The following TBX1 variants were observed in gnomAD, a reference collection of about 807,000 sequenced individuals.
TBX1 encodes the protein T-box transcription factor TBX1.
TBX1 carries 16 observed loss-of-function variants against 40.8 expected under a neutral mutation model. The ratio of observed to expected loss-of-function variants is 0.39; its 90% CI spans 0.27 to 0.60. The LOEUF (loss-of-function observed/expected upper bound fraction) is 0.60, where lower values mean the gene tolerates loss of function less well. Among genes scored for constraint, TBX1 ranks in the 20% least tolerant of loss-of-function variants. The pLI is 0.51. For missense variants in TBX1, 755 were observed against 728.5 expected, an observed-to-expected ratio of 1.04 and a Z score of -0.42; for synonymous variants, 403 against 336.8, an observed-to-expected ratio of 1.20 and a Z score of -2.15.
intron 1 of TBX1, among the ~76,000 whole-genome samples, chr22:19,761,741 C>T (rs957637377): frequency 8.5e-5 from 13 of 152,332 alleles, no homozygotes; most frequent in African/African-American, 2.9e-4. Flanking sequence ...AGATAAAGAG[C>T]GGCAGCCGGG....
At chr22:19,766,073 G>T in intron 6 of TBX1, 71 bp downstream of exon 6, 3 of 1,288,510 alleles carry the variant, frequency 2.3e-6, no homozygotes, top group South Asian at 1.7e-5. Flanking sequence ...GGCCTCGCCC[G>T]ACCTCGCCTG....
rs892270450 is a variant in TBX1 at position 19,761,236 on chromosome 22, G to C, written c.393G>C (p.Glu131Asp). Residue 131 changes from glutamate to aspartate, a missense_variant, in exon 1 of 7, where the codon GAG (glutamate) becomes GAC (aspartate). By Grantham distance (45) the Glu-to-Asp change is conservative (BLOSUM62 2). Coordinates refer to ENST00000649276, the MANE Select transcript of TBX1 (RefSeq NM_001379200.1). ...TAGAGATGAAGGCGCTGTGGGACGAGTTCAACCAGCTGGGCACCGAGATGA... is the reference window on the plus strand; with the variant it reads ...TAGAGATGAAGGCGCTGTGGGACGACTTCAACCAGCTGGGCACCGAGATGA... ...VQLEMKALWD[E>D]FNQLGTEMIV... 2 of 1,572,808 alleles carry C rather than the reference G, an allele frequency of 1.3e-6. No individual in the cohort carries two copies. The highest frequency in any genetic ancestry group is 1.7e-6 in the Non-Finnish European group (2 of 1,158,442).
downstream of TBX1, chr22:19,782,850 C>T: frequency 6.2e-7 from 1 of 1,613,642 alleles, no homozygotes; most frequent in African/African-American, 1.3e-5. Flanking sequence ...TGATAAAGGC[C>T]ACAAACACTT....
Position 19,766,838 on chromosome 22 carries a change from C to G in TBX1, c.1486C>G (p.Pro496Ala). ...GTACTCGTCGGCCGGAGCCGCGCCG[C>G]CCGGCTCCTACGACTATTGCCCCAG... Reference protein sequence around the residue: ...NMYSSAGAAPPGSYDYCPR With the variant: ...NMYSSAGAAPAGSYDYCPR Residue 496 changes from proline (P) to alanine (A), a missense_variant, in exon 7 of 7, where the codon CCC becomes GCC. Pro to Ala is a conservative substitution (Grantham distance 27). Transcript: ENST00000649276. The G allele has an allele frequency of 1.3e-6, 2 of 1,573,344 alleles. No individual in the cohort carries two copies. Among genetic ancestry groups the G allele is most frequent in the Non-Finnish European group, 1.7e-6 (2 of 1,169,774 alleles).
chr22:19,767,261 T>G lies in TBX1; in HGVS notation c.*394T>G. 9.7e-7 allele frequency: 1 copy of G among 1,025,680 alleles called. No individual in the cohort carries two copies. The highest frequency in any genetic ancestry group is 1.2e-6 in the Non-Finnish European group (1 of 857,382). 63.5% of individuals were successfully genotyped at this position (1,025,680 alleles called of 1,614,324 possible). A position where few individuals can be genotyped will look rare whatever the true frequency, so the allele number is the denominator to read the frequency against. On this transcript the variant is annotated 3_prime_UTR_variant, in exon 7 of 7. Transcript: ENST00000649276. Reference sequence around the variant, plus strand: ...GAGCCCCGCCTGCAGGCGGTGTAGATACATGTAGATACTGTAGATACTGTA... The same window carrying G: ...GAGCCCCGCCTGCAGGCGGTGTAGAGACATGTAGATACTGTAGATACTGTA...
chr22:19,766,137 G>C, intron 6 of TBX1, 135 bp downstream of exon 6: 1 of 838,642 alleles, frequency 1.2e-6, no homozygotes. Flanking sequence ...CCGCGGCGGC[G>C]GGCAAGCGCG....
At chr22:19,779,539 G>C in exon 9 of TBX1, 1 of 1,519,040 alleles carries the variant, frequency 6.6e-7, no homozygotes, top group Non-Finnish European at 8.8e-7. Flanking sequence ...TGCATGTTTT[G>C]TAATAAATAC....
In TBX1 at chr22:19,766,978, C is replaced by G; in HGVS notation, c.*111C>G. The G allele has an allele frequency of 6.8e-7, 1 of 1,463,446 alleles. No individual in the cohort carries two copies. Among genetic ancestry groups the G allele is most frequent in the Non-Finnish European group, 9.0e-7 (1 of 1,111,010 alleles). 90.7% of individuals were successfully genotyped at this position (1,463,446 alleles called of 1,614,324 possible). A position where few individuals can be genotyped will look rare whatever the true frequency, so the allele number is the denominator to read the frequency against. On this transcript the variant is annotated 3_prime_UTR_variant, in exon 7 of 7. Transcript: ENST00000649276. Reference sequence around the variant, plus strand: ...GAATACGTTCCCCCAGCCCCAGGGGCCACCGCGGCTCTCCCCTTCCCCAGC... The same window carrying G: ...GAATACGTTCCCCCAGCCCCAGGGGGCACCGCGGCTCTCCCCTTCCCCAGC...
In TBX1 at chr22:19,766,897, C is replaced by T. The variant is rs1936880247; in HGVS notation, c.*30C>T. On this transcript the variant is annotated 3_prime_UTR_variant, in exon 7 of 7. Coordinates refer to ENST00000649276, the MANE Select transcript of TBX1 (RefSeq NM_001379200.1). ...GGCCCTGTCGCGCTCCCGCCCCGGTCCTGCACAGCCCCGAAGTTCGCCGGG... is the reference window on the plus strand; with the variant it reads ...GGCCCTGTCGCGCTCCCGCCCCGGTTCTGCACAGCCCCGAAGTTCGCCGGG... The T allele has an allele frequency of 6.3e-7, 1 of 1,578,916 alleles. No homozygotes were observed.
chr22:19,759,596 T>G, upstream of TBX1: 1 of 1,606,980 alleles, frequency 6.2e-7, no homozygotes, highest in Middle Eastern at 1.7e-4. Context: ...GGGCTCAGGG[T>G]CCTCCGACCG....
chr22:19,764,501 C>G (rs1345491511), intron 3 of TBX1, among the ~76,000 whole-genome samples, 175 bp downstream of exon 3: 3 of 152,238 alleles, frequency 2.0e-5, no homozygotes, highest in Admixed American at 6.5e-5. Context: ...TGAGGCGGAG[C>G]TTGGGCAGTG....
In TBX1 at chr22:19,772,390, C is replaced by T. The variant is rs899248868; in HGVS notation, c.1009+6388C>T. ...GTGTGATCATGGCTCACTGTAGCCT[C>T]GAACTCCGGGGCTCAAGCCATCCTC... On this transcript the variant is annotated intron_variant, in intron 8 of 8. Transcript: ENST00000329705. Among the ~76,000 whole-genome samples the T allele has an allele frequency of 4.6e-5, 7 of 152,110 alleles. No homozygotes were observed. In the South Asian group the frequency reaches 1.2e-3, roughly 27 times the overall value.
At chr22:19,758,916 C>T (rs1936549894), upstream of TBX1, among the ~76,000 whole-genome samples, 3 of 152,298 alleles carry the variant, frequency 2.0e-5, no homozygotes, top group Admixed American at 6.5e-5. Flanking sequence ...CGCCAAGGAA[C>T]AGAGGACGCT....
chr22:19,760,465 G>C (rs1936608658), upstream of TBX1, among the ~76,000 whole-genome samples: 1 of 148,564 alleles, frequency 6.7e-6, no homozygotes, highest in South Asian at 2.1e-4. Context: ...ATTAGGAAAA[G>C]AACGTCTGGG....
At chr22:19,774,577 C>G (rs561815542) in intron 8 of TBX1, among the ~76,000 whole-genome samples, 4 of 152,078 alleles carry the variant, frequency 2.6e-5, no homozygotes, top group Non-Finnish European at 2.9e-5. Context: ...GAGCGTCCAC[C>G]GATAAGTGAA....
At chr22:19,757,806 T>G (rs1029210376), upstream of TBX1, among the ~76,000 whole-genome samples, 6 of 152,212 alleles carry the variant, frequency 3.9e-5, no homozygotes, top group Admixed American at 1.3e-4. Context: ...GACTTGTCCC[T>G]GGGTCCCCTC....
chr22:19,762,917 C>G (rs1421139034), intron 1 of TBX1, among the ~76,000 whole-genome samples: 1 of 152,160 alleles, frequency 6.6e-6, no homozygotes, highest in East Asian at 1.9e-4. Flanking sequence ...AAGCTGGGAC[C>G]AAGAGGCCAA....
rs200902332 is a variant in TBX1 at position 19,764,142 on chromosome 22, C to T, written c.540-13C>T. The T allele has an allele frequency of 8.6e-5, 138 of 1,612,622 alleles. No individual in the cohort carries two copies. Among genetic ancestry groups the T allele is most frequent in the Middle Eastern group, 1.7e-4 (1 of 5,962 alleles). ...CACCTCCACATGCACGACCCCACCC[C>T]GTGCCGCTCCAGGTACGCCTTCCAC... On this transcript the variant is annotated splice_polypyrimidine_tract_variant and intron_variant, in intron 2 of 6. Coordinates refer to ENST00000649276, the MANE Select transcript of TBX1 (RefSeq NM_001379200.1).
chr22:19,776,690 A>G (rs367657588), intron 8 of TBX1, among the ~76,000 whole-genome samples: 97 of 152,290 alleles, frequency 6.4e-4, no homozygotes, highest in African/African-American at 2.1e-3. Context: ...GCCTACCCTC[A>G]AGGGATGGAA....
Sources: allele counts gnomAD v4.1 joint callset (sites outside exome capture counted in the v4.1 genomes callset), GRCh38; gene constraint gnomAD v4.1.1; transcripts MANE v1.5; gene names NCBI Gene and HGNC (gene_info 2026-07-23, HGNC 2026-07-21).